PHC2: variants seen among roughly 807,000 people sequenced by gnomAD.
PHC2 encodes the protein polyhomeotic-like protein 2.
PHC2 carries 29 observed loss-of-function variants against 87.4 expected under a neutral mutation model. The observed-to-expected ratio is 0.33, with a 90% confidence interval of 0.25 to 0.45. The LOEUF (loss-of-function observed/expected upper bound fraction) is 0.45, where lower values mean the gene tolerates loss of function less well. Ranked by LOEUF, PHC2 falls within the 20% of genes least tolerant of loss-of-function variation. The probability of loss-of-function intolerance (pLI) is 1.00; values close to 1 mark genes in which losing one functional copy is unlikely to be tolerated. For synonymous variants in PHC2, 438 were observed against 461.7 expected, an observed-to-expected ratio of 0.95 and a Z score of 0.66; for missense variants, 857 against 1,136.7, an observed-to-expected ratio of 0.75 and a Z score of 3.54.
At chr1:33,414,303 C>T (rs1166506743) in intron 1 of PHC2, among the ~76,000 whole-genome samples, 4 of 151,966 alleles carry the variant, frequency 2.6e-5, no homozygotes, top group Admixed American at 2.6e-4. Context: ...CACTTATTTT[C>T]AGTGTGGCCA....
rs768491353 is a variant in PHC2 at position 33,330,230 on chromosome 1, CA to C, written c.2007-19del. On this transcript the variant is annotated intron_variant, in intron 12 of 14. Transcript: ENST00000683057. ...CGTTGTACCTTCAGGGACAGGGGAACAGGGGATGTCACAGTAGTCATTGTGC... is the reference window on the plus strand; with the variant it reads ...CGTTGTACCTTCAGGGACAGGGGAACGGGGATGTCACAGTAGTCATTGTGC... 1.5e-5 allele frequency: 25 copies of C among 1,613,178 alleles called. No individual in the cohort carries two copies.
chr1:33,408,652 A>G (rs1317372285), intron 1 of PHC2, among the ~76,000 whole-genome samples: 3 of 151,900 alleles, frequency 2.0e-5, no homozygotes, highest in Non-Finnish European at 4.4e-5. Context: ...TTTTTAGTAG[A>G]GACGGGGTTT....
chr1:33,324,927 T>C lies in PHC2; in HGVS notation c.2518A>G (p.Asn840Asp). ...TTCAGGGCGGGCCCCAGCTTGATGT[T>C]CATGGCGCTCATCAGGTGGTCCTCC... ...LKEDHLMSAM[N>D]IKLGPALKIY... Residue 840 changes from asparagine to aspartate, a missense_variant, in exon 15 of 15, where the codon AAC (asparagine) becomes GAC (aspartate). Physicochemically the swap from Asn to Asp is conservative, Grantham distance 23. Around this residue, in one of 3 missense-constraint regions of PHC2, gnomAD observed 22 missense variants for 36.0 expected, o/e 0.61. Coordinates refer to ENST00000683057, the MANE Select transcript of PHC2 (RefSeq NM_001385109.1). The C allele has an allele frequency of 6.2e-7, 1 of 1,613,950 alleles. No individual in the cohort carries two copies. Among genetic ancestry groups the C allele is most frequent in the East Asian group, 2.2e-5 (1 of 44,880 alleles).
intron 9 of PHC2, chr1:33,346,118 T>C (rs1263743977): frequency 5.1e-6 from 5 of 985,276 alleles, no homozygotes; most frequent in Non-Finnish European, 6.0e-6. Context: ...AAACAAGGTG[T>C]TAAGTCCCCA....
chr1:33,329,952 TGA>T (rs1304711968), intron 13 of PHC2, 117 bp downstream of exon 13: 2 of 1,110,408 alleles, frequency 1.8e-6, no homozygotes, highest in Non-Finnish European at 1.3e-6. Flanking sequence ...CTACAAGGAA[TGA>T]GAGCACAGCA....
At chr1:33,387,271 CG>C (rs1401588148) in intron 1 of PHC2, among the ~76,000 whole-genome samples, 1 of 152,124 alleles carries the variant, frequency 6.6e-6, no homozygotes, top group Non-Finnish European at 1.5e-5. Flanking sequence ...AGTGACTGTA[CG>C]GGGTGCCCTG....
intron 9 of PHC2, chr1:33,346,588 T>C: frequency 1.0e-6 from 1 of 985,404 alleles, no homozygotes; most frequent in Non-Finnish European, 1.2e-6. Flanking sequence ...AAACTCTTGG[T>C]AAACACCGTA....
chr1:33,398,076 C>A (rs1018905225), intron 1 of PHC2, among the ~76,000 whole-genome samples: 1 of 152,216 alleles, frequency 6.6e-6, no homozygotes, highest in African/African-American at 2.4e-5. Context: ...GCCATTAGAT[C>A]ATCTAGCCCT....
intron 6 of PHC2, among the ~76,000 whole-genome samples, chr1:33,367,901 T>C (rs1471182433): frequency 6.6e-6 from 1 of 152,188 alleles, no homozygotes; most frequent in African/African-American, 2.4e-5. Context: ...TGCCACCGGC[T>C]CTTCCAAGAC....
chr1:33,390,719 G>A (rs1372835758), intron 1 of PHC2, among the ~76,000 whole-genome samples: 1 of 149,706 alleles, frequency 6.7e-6, no homozygotes, highest in Non-Finnish European at 1.5e-5. Context: ...AAGGGACAGA[G>A]TATCTAGGTT....
rs138740026 is a variant in PHC2 at position 33,331,396 on chromosome 1, T to C, written c.1958A>G (p.Tyr653Cys). The C allele has an allele frequency of 2.2e-5, 35 of 1,613,158 alleles. No homozygotes were observed. Among genetic ancestry groups the C allele is most frequent in the African/African-American group, 2.0e-4 (15 of 74,890 alleles). ...CELCGRVDFA[Y>C]KFKRSKRFCS... ...GAAGCGCTTGGAACGCTTGAACTTATAGGCAAAGTCCACCCGGCCACAGAG... is the reference window on the plus strand; with the variant it reads ...GAAGCGCTTGGAACGCTTGAACTTACAGGCAAAGTCCACCCGGCCACAGAG... The change falls in exon 12 of 15, where the codon TAT becomes TGT. Residue 653 changes from tyrosine (Y) to cysteine (C), a missense_variant. By Grantham distance (194) the Tyr-to-Cys change is radical (BLOSUM62 -2). This residue lies in a region of PHC2 where 832 missense variants were observed against 1,081.8 expected (regional missense o/e 0.77). Transcript: ENST00000683057. The surrounding 1 kb of genome is among the most constrained non-coding windows in gnomAD (Gnocchi z 5.2).
intron 1 of PHC2, among the ~76,000 whole-genome samples, chr1:33,383,568 G>A (rs1451539526): frequency 6.6e-6 from 1 of 152,186 alleles, no homozygotes; most frequent in African/African-American, 2.4e-5. Context: ...AAGAATATGA[G>A]GAGGAAAAAG....
intron 1 of PHC2, among the ~76,000 whole-genome samples, chr1:33,379,688 T>G (rs1004004083): frequency 6.7e-6 from 1 of 150,336 alleles, no homozygotes; most frequent in Admixed American, 6.6e-5. Context: ...CCTCCCTCAC[T>G]CTGCCTTGGC....
rs1461527560 is a variant in PHC2 at position 33,369,348 on chromosome 1, C to G, written c.577-726G>C. On this transcript the variant is annotated intron_variant, in intron 5 of 14. Coordinates refer to ENST00000683057, the MANE Select transcript of PHC2 (RefSeq NM_001385109.1). This position sits in a 1 kb window ranked among gnomAD's most constrained non-coding sequence, Gnocchi z 4.7. ...TCCCTAGAACTCTGCGATAGCGCAG[C>G]TGTGCTTTTTCCTCTGTGGGTGTAT... is the stretch of plus-strand genomic sequence containing the variant. Among the ~76,000 whole-genome samples, 1 of 152,232 alleles carries G rather than the reference C, an allele frequency of 6.6e-6. No individual in the cohort carries two copies. The highest frequency in any genetic ancestry group is 1.5e-5 in the Non-Finnish European group (1 of 68,040).
At chr1:33,329,221 T>C in intron 13 of PHC2, 75 bp from the exon 14 acceptor site, 3 of 1,465,688 alleles carry the variant, frequency 2.0e-6, no homozygotes, top group Non-Finnish European at 2.8e-6. Context: ...AGGAGGTATT[T>C]CTCCTTTTTC....
intron 9 of PHC2, among the ~76,000 whole-genome samples, chr1:33,343,411 A>G (rs1646784381): frequency 7.2e-6 from 1 of 138,722 alleles, no homozygotes; most frequent in Non-Finnish European, 1.5e-5. Flanking sequence ...CAGAGGTTGC[A>G]GTGAGCCGAG....
At chr1:33,428,072 G>C (rs1650753986) in intron 1 of PHC2, among the ~76,000 whole-genome samples, 1 of 152,084 alleles carries the variant, frequency 6.6e-6, no homozygotes, top group Non-Finnish European at 1.5e-5. Flanking sequence ...CTAAATGACT[G>C]CTATACATTT....
At chr1:33,326,521 T>C (rs1300181764) in intron 14 of PHC2, 1 of 152,258 alleles carries the variant, frequency 6.6e-6, no homozygotes, top group East Asian at 1.9e-4. Context: ...GCCCCTCAGC[T>C]TCAGAAGAAT....
chr1:33,347,354 G>T (rs1018456921), intron 9 of PHC2: 3 of 985,316 alleles, frequency 3.0e-6, no homozygotes, highest in Non-Finnish European at 3.6e-6. Context: ...ACAGCCAGGA[G>T]AATGATGACT....
Sources: allele counts gnomAD v4.1 joint callset (sites outside exome capture counted in the v4.1 genomes callset), GRCh38; gene constraint gnomAD v4.1.1; regional missense constraint gnomAD v4.1.1; non-coding constraint Gnocchi (gnomAD v3.1); transcripts MANE v1.5; gene names NCBI Gene and HGNC (gene_info 2026-07-23, HGNC 2026-07-21).